CTNNA3: variants seen among roughly 807,000 people sequenced by gnomAD.
CTNNA3 encodes catenin alpha-3.
CTNNA3 carries 76 observed loss-of-function variants against 95.7 expected under a neutral mutation model. The observed-to-expected ratio is 0.79, with a 90% CI of 0.66 to 0.96. CTNNA3 has a LOEUF of 0.96. Ranked by LOEUF, CTNNA3 falls within the 40% of genes least tolerant of loss-of-function variation. CTNNA3 has a pLI of 0.00. For synonymous variants in CTNNA3, 431 were observed against 374.4 expected (o/e 1.15, Z -1.74); for missense variants, 1,191 against 1,089.8 (o/e 1.09, Z -1.31).
At chr10:66,999,987 C>T (rs982417549) in intron 7 of CTNNA3, among the ~76,000 whole-genome samples, 1 of 152,120 alleles carries the variant, frequency 6.6e-6, no homozygotes, top group Non-Finnish European at 1.5e-5. Context: ...ACAATGCATC[C>T]ATTTGTCTTA....
intron 5 of CTNNA3, among the ~76,000 whole-genome samples, chr10:67,416,850 A>G (rs184269068): frequency 9.7e-4 from 147 of 152,292 alleles, no homozygotes; most frequent in Admixed American, 4.6e-3. Flanking sequence ...GCTGGTGGGA[A>G]TGTAATTAGT....
At chr10:66,582,282 A>T (rs1370481662) in intron 10 of CTNNA3, among the ~76,000 whole-genome samples, 1 of 151,268 alleles carries the variant, frequency 6.6e-6, no homozygotes, top group East Asian at 1.9e-4. Flanking sequence ...TGAGCAAAGA[A>T]TGTATTTCCA....
rs1466418438 is a variant in CTNNA3, at chr10:66,390,119, C to T, written c.1532-10767G>A. ...GAAAACAAACAAAATTCAGTGAAAACAAAATGTTAAATCACTGGCTTTCTA... is the reference window on the plus strand; with the variant it reads ...GAAAACAAACAAAATTCAGTGAAAATAAAATGTTAAATCACTGGCTTTCTA... On this transcript the variant is annotated intron_variant, in intron 11 of 17. Coordinates refer to ENST00000433211, the MANE Select transcript of CTNNA3 (RefSeq NM_013266.4). Among the ~76,000 whole-genome samples, 3 of 152,106 alleles carry T rather than the reference C, an allele frequency of 2.0e-5. No individual in the cohort carries two copies. In the East Asian group the frequency reaches 5.8e-4, roughly 29 times the overall value.
At chr10:67,177,827 A>G (rs1862317494) in intron 7 of CTNNA3, among the ~76,000 whole-genome samples, 1 of 152,224 alleles carries the variant, frequency 6.6e-6, no homozygotes, top group Admixed American at 6.5e-5. Context: ...ACACTTAATT[A>G]CAATATTCAT....
intron 7 of CTNNA3, among the ~76,000 whole-genome samples, chr10:66,944,100 A>G (rs1848159554): frequency 1.3e-5 from 2 of 152,216 alleles, no homozygotes; most frequent in Non-Finnish European, 1.5e-5. Context: ...AGATTTCTCT[A>G]TAGCATATGG....
intron 1 of CTNNA3, among the ~76,000 whole-genome samples, chr10:67,671,149 G>C (rs1295175191): frequency 6.6e-6 from 1 of 152,088 alleles, no homozygotes; most frequent in Non-Finnish European, 1.5e-5. Context: ...AATGGCATGT[G>C]AAAGAATTCT....
intron 10 of CTNNA3, among the ~76,000 whole-genome samples, chr10:66,547,115 C>T (rs967557385): frequency 1.3e-5 from 2 of 151,958 alleles, no homozygotes; most frequent in Admixed American, 6.6e-5. Flanking sequence ...TGCTAATTAC[C>T]TTAGCAGAAG....
chr10:67,366,484 T>C (rs567018350), intron 5 of CTNNA3, among the ~76,000 whole-genome samples: 16 of 151,978 alleles, frequency 1.1e-4, no homozygotes, highest in Admixed American at 8.5e-4. Context: ...CTACTAAAAA[T>C]ACAAAAATCA....
At chr10:66,121,652 G>A (rs1589462244) in intron 13 of CTNNA3, among the ~76,000 whole-genome samples, 1 of 152,084 alleles carries the variant, frequency 6.6e-6, no homozygotes, top group African/African-American at 2.4e-5. Context: ...GAGTTCAAGA[G>A]CAGCCTGGGC....
chr10:65,940,380 C>G (rs2077410594), intron 17 of CTNNA3, among the ~76,000 whole-genome samples: 1 of 152,184 alleles, frequency 6.6e-6, no homozygotes, highest in South Asian at 2.1e-4. Context: ...ATGTTCTGCT[C>G]TCACACTTAC....
chr10:66,772,428 CA>C (rs200040278), intron 8 of CTNNA3, among the ~76,000 whole-genome samples: 4,581 of 35,710 alleles, frequency 0.13, 129 homozygotes, highest in East Asian at 0.42. Flanking sequence ...CTGTCTCAAA[CA>C]AAAAAAAAAA....
intron 12 of CTNNA3, among the ~76,000 whole-genome samples, chr10:66,329,604 G>T (rs1407021991): frequency 6.6e-6 from 1 of 151,090 alleles, no homozygotes; most frequent in Non-Finnish European, 1.5e-5. Context: ...TACTACAAAA[G>T]TACTATCGTA....
intron 5 of CTNNA3, among the ~76,000 whole-genome samples, chr10:67,340,169 C>T (rs1842132249): frequency 6.6e-6 from 1 of 151,948 alleles, no homozygotes; most frequent in Non-Finnish European, 1.5e-5. Flanking sequence ...AATATAATAC[C>T]TAACAAGGGC....
chr10:67,125,927 T>C (rs1354230790), intron 7 of CTNNA3, among the ~76,000 whole-genome samples: 2 of 152,224 alleles, frequency 1.3e-5, no homozygotes, highest in Non-Finnish European at 2.9e-5. Context: ...AGACATAGTA[T>C]ATTGATCCCC....
intron 7 of CTNNA3, among the ~76,000 whole-genome samples, chr10:66,871,285 G>A (rs551046346): frequency 7.9e-5 from 12 of 152,124 alleles, no homozygotes; most frequent in East Asian, 3.9e-4. Flanking sequence ...TAGGCTGGGC[G>A]CGGTGGCTCA....
At chr10:65,954,522 C>G (rs2077690036) in intron 17 of CTNNA3, among the ~76,000 whole-genome samples, 1 of 152,142 alleles carries the variant, frequency 6.6e-6, no homozygotes, top group African/African-American at 2.4e-5. Flanking sequence ...GGTTTTAGGT[C>G]TAACATTTAA....
chr10:67,646,957 C>T (rs540362292), intron 2 of CTNNA3, among the ~76,000 whole-genome samples: 1 of 151,992 alleles, frequency 6.6e-6, no homozygotes, highest in East Asian at 1.9e-4. Context: ...TTTTCTCATA[C>T]ATTTTAGTAT....
intron 7 of CTNNA3, among the ~76,000 whole-genome samples, chr10:67,026,995 A>G (rs1485318667): frequency 6.6e-6 from 1 of 152,216 alleles, no homozygotes; most frequent in East Asian, 1.9e-4. Context: ...CAGAAAATAA[A>G]TGATGATAAA....
chr10:67,530,433 C>T (rs1840291896), intron 4 of CTNNA3, among the ~76,000 whole-genome samples: 1 of 152,180 alleles, frequency 6.6e-6, no homozygotes, highest in African/African-American at 2.4e-5. Context: ...GCAAAGGTGA[C>T]TCTTGTTATG....
Sources: gnomAD v4.1 joint callset for allele counts (sites outside exome capture counted in the v4.1 genomes callset) on GRCh38, gnomAD v4.1.1 for gene constraint, MANE v1.5 for transcripts, NCBI Gene and HGNC (gene_info 2026-07-23, HGNC 2026-07-21) for gene names.